The following ATP6V1G1 variants were observed in gnomAD, a reference collection of about 807,000 sequenced individuals.
The protein encoded by ATP6V1G1 is V-type proton ATPase subunit G 1.
In ATP6V1G1, 14 loss-of-function variants were observed where a neutral mutation model predicts 14.2. That is an observed-to-expected ratio of 0.99 (90% CI 0.65 to 1.55). The LOEUF (loss-of-function observed/expected upper bound fraction) is 1.55. Ranked by LOEUF, ATP6V1G1 falls within the 40% of genes most tolerant of loss-of-function variation. The probability of loss-of-function intolerance (pLI) is 0.00; values close to 1 mark genes in which losing one functional copy is unlikely to be tolerated. For synonymous variants in ATP6V1G1, 65 were observed against 53.3 expected (o/e 1.22, Z -0.96); for missense variants, 137 against 146.4 (o/e 0.94, Z 0.33).
At position 114,592,567 on chromosome 9, in the gene ATP6V1G1, TGAAGCAGGCCAAA is replaced by T; in HGVS notation, c.103_115del (p.Gln35LysfsTer43). On this transcript the variant is annotated frameshift_variant, in exon 2 of 3. Transcript: ENST00000374050. LOFTEE classifies it high-confidence loss of function. ...TTGAAAACAGGAAAGAACCGGAGGC[TGAAGCAGGCCAAA>T]GAAGAAGCTCAGGCTGAAATTGAAC... The T allele has an allele frequency of 6.4e-7, 1 of 1,566,198 alleles. No individual in the cohort carries two copies. The highest frequency in any genetic ancestry group is 8.7e-7 in the Non-Finnish European group (1 of 1,155,164).
At chr9:114,596,554 G>A (rs974121122) in intron 2 of ATP6V1G1, among the ~76,000 whole-genome samples, 4 of 152,148 alleles carry the variant, frequency 2.6e-5, no homozygotes, top group Non-Finnish European at 4.4e-5. Flanking sequence ...TGAATCCACT[G>A]TTGAACTTAA....
At chr9:114,588,007 A>G in intron 1 of ATP6V1G1, 87 bp downstream of exon 1, 1 of 1,401,300 alleles carries the variant, frequency 7.1e-7, no homozygotes, top group Non-Finnish European at 9.8e-7. Flanking sequence ...AGGCCCGAAA[A>G]ACTGCGGGGT....
intron 1 of ATP6V1G1, among the ~76,000 whole-genome samples, chr9:114,591,118 T>C (rs550038723): frequency 6.6e-6 from 1 of 152,336 alleles, no homozygotes; most frequent in South Asian, 2.1e-4. Context: ...TTAAAAAAGT[T>C]TGTGTTAATG....
rs749641296 is a variant in ATP6V1G1, at chr9:114,597,744, A to AAG, written c.*7_*8dup. 2.5e-6 allele frequency: 4 copies of AAG among 1,573,698 alleles called. No homozygotes were observed. In the African/African-American group the frequency reaches 5.5e-5, roughly 22 times the overall value. On this transcript the variant is annotated 3_prime_UTR_variant, in exon 3 of 3. Transcript: ENST00000374050. ...TGAAAACTACCGCATAAATGGATAG[A>AAG]AGAGAGAAGCACCTGTGCTGTGGAG...
intron 1 of ATP6V1G1, among the ~76,000 whole-genome samples, chr9:114,591,690 G>A (rs765651146): frequency 3.5e-4 from 53 of 152,134 alleles, no homozygotes; most frequent in African/African-American, 1.1e-3. Flanking sequence ...TCACTCATTC[G>A]CGTGGACTCT....
chr9:114,591,884 A>C (rs1405198607), intron 1 of ATP6V1G1, among the ~76,000 whole-genome samples: 10 of 151,706 alleles, frequency 6.6e-5, no homozygotes, highest in Admixed American at 5.9e-4. Flanking sequence ...GTTTTCATGT[A>C]GACTCTGACC....
chr9:114,595,190 T>C (rs1180345231), intron 2 of ATP6V1G1, among the ~76,000 whole-genome samples: 1 of 152,160 alleles, frequency 6.6e-6, no homozygotes, highest in Admixed American at 6.6e-5. Flanking sequence ...TTTCTAGCAG[T>C]GTTCCATTGT....
At chr9:114,588,510 A>AGTGT (rs66783144) in intron 1 of ATP6V1G1, among the ~76,000 whole-genome samples, 5,841 of 147,132 alleles carry the variant, frequency 0.04, 133 homozygotes, top group East Asian at 0.1. Context: ...TGGCAAGCGC[A>AGTGT]GTGTGTGTGT....
chr9:114,595,781 G>A (rs1341925781), intron 2 of ATP6V1G1, among the ~76,000 whole-genome samples: 1 of 151,670 alleles, frequency 6.6e-6, no homozygotes, highest in Non-Finnish European at 1.5e-5. Flanking sequence ...CCATCTCTTC[G>A]GGAAAAAAAA....
intron 2 of ATP6V1G1, among the ~76,000 whole-genome samples, chr9:114,593,237 A>G (rs954026784): frequency 1.3e-5 from 2 of 152,228 alleles, no homozygotes; most frequent in Non-Finnish European, 2.9e-5. Flanking sequence ...AGAAACTATC[A>G]GGACTCTTGG....
intron 1 of ATP6V1G1, among the ~76,000 whole-genome samples, chr9:114,590,201 A>G (rs896650743): frequency 6.6e-6 from 1 of 151,042 alleles, no homozygotes; most frequent in Admixed American, 6.6e-5. Context: ...GCCGTCTCAA[A>G]AAAAAAAAAA....
chr9:114,588,381 C>T (rs1435640996), intron 1 of ATP6V1G1, among the ~76,000 whole-genome samples: 1 of 151,956 alleles, frequency 6.6e-6, no homozygotes. Context: ...CTACTACCAG[C>T]GTCTTAGTCC....
At chr9:114,592,706 C>A in intron 2 of ATP6V1G1, 54 bp downstream of exon 2, 1 of 1,522,352 alleles carries the variant, frequency 6.6e-7, no homozygotes, top group Non-Finnish European at 8.9e-7. Context: ...CCTGTCCCGC[C>A]AAGGCTTTCA....
chr9:114,597,284 C>G (rs1845249692), intron 2 of ATP6V1G1, among the ~76,000 whole-genome samples: 1 of 152,094 alleles, frequency 6.6e-6, no homozygotes, highest in South Asian at 2.1e-4. Context: ...GCCACCGCGC[C>G]CGGCCTATAT....
Position 114,597,918 on chromosome 9 carries a change from G to A in ATP6V1G1, c.*175G>A. Reference sequence around the variant, plus strand: ...AATCTAGCTTTTTTGTACAGACTTAGAAATTATCTAAAGATTTCATCTTTT... The same window carrying A: ...AATCTAGCTTTTTTGTACAGACTTAAAAATTATCTAAAGATTTCATCTTTT... On this transcript the variant is annotated 3_prime_UTR_variant, in exon 3 of 3. Transcript: ENST00000374050. 2 of 473,438 alleles carry A rather than the reference G, an allele frequency of 4.2e-6. No individual in the cohort carries two copies. The highest frequency in any genetic ancestry group is 6.7e-6 in the Non-Finnish European group (2 of 299,402). The allele number at this position is 473,438 out of a possible 1,614,324, so 29.3% of individuals were successfully genotyped here.
intron 2 of ATP6V1G1, among the ~76,000 whole-genome samples, chr9:114,596,236 A>G (rs975934746): frequency 2.0e-5 from 3 of 152,090 alleles, no homozygotes; most frequent in African/African-American, 7.2e-5. Flanking sequence ...ACAGAAAAAA[A>G]AATTAGCCGG....
chr9:114,590,213 A>C (rs556512087), intron 1 of ATP6V1G1, among the ~76,000 whole-genome samples: 1 of 150,688 alleles, frequency 6.6e-6, no homozygotes, highest in Non-Finnish European at 1.5e-5. Context: ...AAAAAAAAAA[A>C]CAAAAAACAA....
chr9:114,592,789 C>T (rs1190030301), intron 2 of ATP6V1G1, 137 bp downstream of exon 2: 11 of 817,220 alleles, frequency 1.3e-5, no homozygotes, highest in Admixed American at 2.9e-5. Flanking sequence ...ATTGGCTGCT[C>T]AGGCATCTGT....
Position 114,592,454 on chromosome 9 carries a change from A to G in ATP6V1G1, c.83-98A>G, listed in dbSNP as rs754230587. 7 of 1,202,848 alleles carry G rather than the reference A, an allele frequency of 5.8e-6. 1 individual carries two copies. The South Asian group carries it at 8.7e-5, about 15-fold the overall frequency. The allele number at this position is 1,202,848 out of a possible 1,614,324, so 74.5% of individuals were successfully genotyped here. ...TGCACATCTCTTCGGACTGTGTCAT[A>G]ATTTATTCTTGGCTTATTGTTATAA... On this transcript the variant is annotated intron_variant, in intron 1 of 2. Coordinates refer to ENST00000374050, the MANE Select transcript of ATP6V1G1 (RefSeq NM_004888.4).
Sources: gnomAD v4.1 joint callset for allele counts (sites outside exome capture counted in the v4.1 genomes callset) on GRCh38, gnomAD v4.1.1 for gene constraint, MANE v1.5 for transcripts, NCBI Gene and HGNC (gene_info 2026-07-23, HGNC 2026-07-21) for gene names.